Variants in GAN observed in about 807,000 individuals in gnomAD.
GAN encodes gigaxonin.
Under a neutral mutation model 71.3 loss-of-function variants are expected in GAN, and 48 were observed. That is an observed-to-expected ratio of 0.67 (90% CI 0.53 to 0.86). GAN has a LOEUF of 0.86. Among genes scored for constraint, GAN ranks in the 40% least tolerant of loss-of-function variants. The pLI, the probability that GAN is intolerant of heterozygous loss-of-function variation, is 0.00. For missense variants in GAN, 928 were observed against 770.1 expected (o/e 1.21, Z -2.43); for synonymous variants, 386 against 276.8 (o/e 1.39, Z -3.92).
At chr16:81,322,732 A>C (rs1434103802) in intron 1 of GAN, among the ~76,000 whole-genome samples, 1 of 152,230 alleles carries the variant, frequency 6.6e-6, no homozygotes, top group Non-Finnish European at 1.5e-5. Flanking sequence ...ATTAGCATTC[A>C]TCAGTAACCA....
Position 81,345,449 on chromosome 16 carries a change from A to C in GAN, c.168-6134A>C, listed in dbSNP as rs150470892. On this transcript the variant is annotated intron_variant, in intron 1 of 10. Transcript: ENST00000648994. ...GGATGAGTTCATGTCTTTTGCAGGG[A>C]CATGGATGAAGCTGGAAACCATCAT... Among the ~76,000 whole-genome samples the C allele has an allele frequency of 7.4e-3, 1,127 of 152,336 alleles. 7 individuals carry two copies. The highest frequency in any genetic ancestry group is 0.02 in the Middle Eastern group (6 of 294).
chr16:81,364,990 C>T lies in GAN; in HGVS notation c.1253C>T (p.Ala418Val). ...TMVRKIGCYA[A>V]MKKKIYAMGG... ...TGCTTTCAGATCGGCTGCTATGCAG[C>T]TATGAAAAAGAAAATCTACGCCATG... The change falls in exon 8 of 11, where the codon GCT (alanine) becomes GTT (valine). Residue 418 changes from alanine to valine, a missense_variant. Ala to Val is a moderately conservative substitution (Grantham distance 64). Coordinates refer to ENST00000648994, the MANE Select transcript of GAN (RefSeq NM_022041.4). 1 of 1,613,980 alleles carries T rather than the reference C, an allele frequency of 6.2e-7. No homozygotes were observed. The highest frequency in any genetic ancestry group is 8.5e-7 in the Non-Finnish European group (1 of 1,179,902).
In GAN at chr16:81,383,138, A is replaced by G. The variant is rs1567503534; in HGVS notation, c.*5542A>G. 6.6e-6 allele frequency: 1 copy of G among 151,516 alleles called. No individual in the cohort carries two copies. The highest frequency in any genetic ancestry group is 1.5e-5 in the Non-Finnish European group (1 of 67,960). The allele number at this position is 151,516 out of a possible 1,614,324, so 9.4% of individuals were successfully genotyped here. A position where few individuals can be genotyped will look rare whatever the true frequency, so the allele number is the denominator to read the frequency against. ...TTCAGTTCTGTCATTGAAATTCTCT[A>G]AGTGATTGGATTTTTAAACCCCTTC... On this transcript the variant is annotated 3_prime_UTR_variant, in exon 11 of 11. Transcript: ENST00000648994.
chr16:81,315,399 G>C (rs1320177009), intron 1 of GAN, 119 bp downstream of exon 1: 1 of 635,402 alleles, frequency 1.6e-6, no homozygotes, highest in Non-Finnish European at 2.2e-6. Context: ...GGGTCCCCGC[G>C]TCACCGTTGG....
In GAN at chr16:81,354,444, G is replaced by T. The variant is rs771660619; in HGVS notation, c.322G>T (p.Ala108Ser). 1.5e-5 allele frequency: 25 copies of T among 1,613,582 alleles called. No individual in the cohort carries two copies. Among genetic ancestry groups the T allele is most frequent in the Non-Finnish European group, 2.0e-5 (24 of 1,179,496 alleles). Residue 108 changes from alanine (A) to serine (S), a missense_variant, in exon 3 of 11, where the codon GCA becomes TCA. Transcript: ENST00000648994. ...AGATACAATCCAAGATGTTGTTCAG[G>T]CAGCTGACCTGCTGCTACTGACGGA... ...NEDTIQDVVQAADLLLLTDLK... is the reference protein window; with the variant it reads ...NEDTIQDVVQSADLLLLTDLK...
At position 81,354,648 on chromosome 16, in the gene GAN, C is replaced by G. The variant is rs1335651050; in HGVS notation, c.526C>G (p.Gln176Glu). 8.1e-6 allele frequency: 13 copies of G among 1,613,298 alleles called. No individual in the cohort carries two copies. Among genetic ancestry groups the G allele is most frequent in the Non-Finnish European group, 1.1e-5 (13 of 1,179,388 alleles). Residue 176 changes from glutamine (Q) to glutamate (E), a missense_variant, in exon 3 of 11, where the codon CAA becomes GAA. Transcript: ENST00000648994. ...STEEFLELSP[Q>E]KLKEVISLEK... ...GGAAGAATTCTTAGAGCTGAGTCCT[C>G]AAAAGCTTAAAGAAGTGATTTCTCT...
intron 9 of GAN, among the ~76,000 whole-genome samples, chr16:81,375,337 A>G (rs375037682): frequency 9.8e-5 from 10 of 102,292 alleles, no homozygotes; most frequent in African/African-American, 3.4e-4. Flanking sequence ...TTTTTAATTT[A>G]TCTTTTTTTT....
chr16:81,346,533 A>G (rs867242479), intron 1 of GAN, among the ~76,000 whole-genome samples: 1 of 152,180 alleles, frequency 6.6e-6, no homozygotes, highest in South Asian at 2.1e-4. Context: ...TGAATTGGGC[A>G]TGTGAGGGAT....
At position 81,381,873 on chromosome 16, in the gene GAN, A is replaced by G. The variant is rs1325125008; in HGVS notation, c.*4277A>G. On this transcript the variant is annotated 3_prime_UTR_variant, in exon 11 of 11. Coordinates refer to ENST00000648994, the MANE Select transcript of GAN (RefSeq NM_022041.4). ...CCATATGGGCTGGCCTCCTATACGG[A>G]GCTGAAACTAGCATGGGCCGGCCTC... is the stretch of plus-strand genomic sequence containing the variant. The G allele has an allele frequency of 6.6e-6, 1 of 152,168 alleles. No homozygotes were observed. Among genetic ancestry groups the G allele is most frequent in the Admixed American group, 6.5e-5 (1 of 15,276 alleles). 9.4% of individuals were successfully genotyped at this position (152,168 alleles called of 1,614,324 possible).
rs188833447 is a variant in GAN at position 81,364,871 on chromosome 16, C to T, written c.1237-103C>T. 4.1e-4 allele frequency: 474 copies of T among 1,143,572 alleles called. 4 individuals are homozygous for T. The highest frequency in any genetic ancestry group is 2.2e-3 in the South Asian group (177 of 81,088). The allele number at this position is 1,143,572 out of a possible 1,614,324, so 70.8% of individuals were successfully genotyped here. ...TCGTTTTACGGTTAGAAATCAAACCCCTTCCTAAATCTCTTTAAGTATGGC... is the reference window on the plus strand; with the variant it reads ...TCGTTTTACGGTTAGAAATCAAACCTCTTCCTAAATCTCTTTAAGTATGGC... On this transcript the variant is annotated intron_variant, in intron 7 of 10. Coordinates refer to ENST00000648994, the MANE Select transcript of GAN (RefSeq NM_022041.4).
At chr16:81,348,004 T>A (rs1051601149) in intron 1 of GAN, among the ~76,000 whole-genome samples, 2 of 151,978 alleles carry the variant, frequency 1.3e-5, no homozygotes, top group Non-Finnish European at 2.9e-5. Context: ...TTTTCTTTTT[T>A]AAAAAATTAT....
At chr16:81,375,610 G>C (rs1483010157) in intron 9 of GAN, among the ~76,000 whole-genome samples, 1 of 151,900 alleles carries the variant, frequency 6.6e-6, no homozygotes, top group Non-Finnish European at 1.5e-5. Context: ...GCAGACTTGA[G>C]CCACCACACC....
intron 1 of GAN, among the ~76,000 whole-genome samples, chr16:81,336,105 T>C (rs1909751884): frequency 6.6e-6 from 1 of 152,160 alleles, no homozygotes; most frequent in Non-Finnish European, 1.5e-5. Flanking sequence ...ACAAATCCTG[T>C]AGGAAGAGCA....
At chr16:81,315,365 C>T (rs1334151391) in intron 1 of GAN, 85 bp downstream of exon 1, 3 of 900,520 alleles carry the variant, frequency 3.3e-6, no homozygotes, top group Non-Finnish European at 1.5e-6. Flanking sequence ...GGCCCCCAGA[C>T]CCTGTCCCCT....
chr16:81,344,139 A>G (rs973326577), intron 1 of GAN, among the ~76,000 whole-genome samples: 3 of 152,374 alleles, frequency 2.0e-5, no homozygotes, highest in South Asian at 2.1e-4. Context: ...AAAACATTCC[A>G]TGCTCATGGA....
intron 1 of GAN, among the ~76,000 whole-genome samples, chr16:81,350,256 G>C (rs942002728): frequency 6.6e-6 from 1 of 152,164 alleles, no homozygotes; most frequent in Admixed American, 6.5e-5. Context: ...AACATACAAA[G>C]AGATGTTCAG....
chr16:81,344,490 C>G (rs894356324), intron 1 of GAN, among the ~76,000 whole-genome samples: 1 of 152,174 alleles, frequency 6.6e-6, no homozygotes, highest in African/African-American at 2.4e-5. Context: ...TGATGTTTGA[C>G]AAACCTGACA....
At chr16:81,319,622 A>G (rs1909160750) in intron 1 of GAN, among the ~76,000 whole-genome samples, 1 of 152,168 alleles carries the variant, frequency 6.6e-6, no homozygotes, top group Non-Finnish European at 1.5e-5. Flanking sequence ...TTTAGCTCTC[A>G]GTCCTGGAGA....
At chr16:81,316,267 A>G (rs959249443) in intron 1 of GAN, among the ~76,000 whole-genome samples, 7 of 152,204 alleles carry the variant, frequency 4.6e-5, no homozygotes, top group Non-Finnish European at 7.3e-5. Context: ...CTAGTGGTAG[A>G]GAATATCACT....
Sources: gnomAD v4.1 joint callset for allele counts (sites outside exome capture counted in the v4.1 genomes callset) on GRCh38, gnomAD v4.1.1 for gene constraint, MANE v1.5 for transcripts, NCBI Gene and HGNC (gene_info 2026-07-23, HGNC 2026-07-21) for gene names.